Variants in SAV1 observed in about 807,000 individuals in gnomAD.
SAV1 encodes protein salvador homolog 1.
SAV1 carries 23 observed loss-of-function variants against 47.3 expected under a neutral mutation model. That is an observed-to-expected ratio of 0.49 (90% CI 0.35 to 0.69). The LOEUF (loss-of-function observed/expected upper bound fraction) is 0.69. Ranked by LOEUF, SAV1 falls within the 30% of genes least tolerant of loss-of-function variation. The probability of loss-of-function intolerance (pLI) is 0.01; values close to 1 mark genes in which losing one functional copy is unlikely to be tolerated. For missense variants in SAV1, 448 were observed against 457.4 expected (o/e 0.98, Z 0.19); for synonymous variants, 155 against 159.2 (o/e 0.97, Z 0.20).
At chr14:50,642,456 T>A in intron 3 of SAV1, among the ~76,000 whole-genome samples, 1 of 145,630 alleles carries the variant, frequency 6.9e-6, no homozygotes, top group East Asian at 2.0e-4. Flanking sequence ...GCCACTGCAC[T>A]CCAGCCTTGG....
At chr14:50,659,898 C>A (rs2039844186) in intron 2 of SAV1, among the ~76,000 whole-genome samples, 1 of 152,138 alleles carries the variant, frequency 6.6e-6, no homozygotes, top group South Asian at 2.1e-4. Flanking sequence ...ATCACACAGA[C>A]CCCCTTGATA....
At chr14:50,651,658 ACT>A (rs1327810080) in intron 2 of SAV1, among the ~76,000 whole-genome samples, 1 of 152,106 alleles carries the variant, frequency 6.6e-6, no homozygotes, top group Non-Finnish European at 1.5e-5. Context: ...ACAGGGTCTC[ACT>A]CTGTCACCCA....
intron 1 of SAV1, chr14:50,667,542 C>T: frequency 2.0e-6 from 1 of 491,102 alleles, no homozygotes; most frequent in Middle Eastern, 3.0e-4. Flanking sequence ...ACTTTTACTC[C>T]TATAGCATTA....
intron 2 of SAV1, among the ~76,000 whole-genome samples, chr14:50,659,542 G>A (rs1240683114): frequency 6.6e-6 from 1 of 152,152 alleles, no homozygotes; most frequent in Non-Finnish European, 1.5e-5. Flanking sequence ...TAACAAACCT[G>A]TTTCTTTTAA....
At chr14:50,645,047 C>T in intron 2 of SAV1, 33 bp from the exon 3 acceptor site, 2 of 1,577,294 alleles carry the variant, frequency 1.3e-6, no homozygotes, top group Non-Finnish European at 1.7e-6. Flanking sequence ...AGAGAAGAAA[C>T]AGAACAATTA....
intron 3 of SAV1, among the ~76,000 whole-genome samples, chr14:50,643,544 T>C (rs952180961): frequency 8.5e-5 from 13 of 152,138 alleles, no homozygotes; most frequent in Non-Finnish European, 1.5e-4. Flanking sequence ...CCTTGATACA[T>C]GGGGATTACG....
chr14:50,653,672 C>T (rs1228192219), intron 2 of SAV1, among the ~76,000 whole-genome samples: 5 of 151,988 alleles, frequency 3.3e-5, no homozygotes, highest in Non-Finnish European at 7.4e-5. Context: ...AGATCGAGAC[C>T]ATCCTGGCCA....
intron 1 of SAV1, chr14:50,667,264 T>G (rs1047915452): frequency 7.9e-6 from 2 of 254,072 alleles, no homozygotes; most frequent in African/African-American, 4.5e-5. Context: ...TATTTTGAGT[T>G]GCCTTCTTGG....
At chr14:50,667,260 G>C in intron 1 of SAV1, 1 of 249,818 alleles carries the variant, frequency 4.0e-6, no homozygotes, top group Non-Finnish European at 8.3e-6. Context: ...AAATTATTTT[G>C]AGTTGCCTTC....
At chr14:50,652,811 A>G (rs1216042755) in intron 2 of SAV1, among the ~76,000 whole-genome samples, 1 of 152,222 alleles carries the variant, frequency 6.6e-6, no homozygotes, top group Non-Finnish European at 1.5e-5. Flanking sequence ...CGGGTGCATC[A>G]CCTGAGGTCA....
chr14:50,641,036 T>A, intron 3 of SAV1, 143 bp from the exon 4 acceptor site: 1 of 667,136 alleles, frequency 1.5e-6, no homozygotes, highest in Non-Finnish European at 2.3e-6. Flanking sequence ...AATGTATTTT[T>A]AAGATATTTC....
At chr14:50,657,307 TACTC>T (rs1386933620) in intron 2 of SAV1, among the ~76,000 whole-genome samples, 3 of 152,218 alleles carry the variant, frequency 2.0e-5, no homozygotes, top group East Asian at 1.9e-4. Flanking sequence ...TGCTGGGAAA[TACTC>T]ACTCTTACAA....
intron 2 of SAV1, among the ~76,000 whole-genome samples, chr14:50,657,600 C>G (rs1230613278): frequency 6.6e-6 from 1 of 152,108 alleles, no homozygotes; most frequent in Non-Finnish European, 1.5e-5. Context: ...AAAAAGCAAG[C>G]CACCAATTTT....
At chr14:50,641,397 A>C (rs1313531348) in intron 3 of SAV1, among the ~76,000 whole-genome samples, 1 of 152,174 alleles carries the variant, frequency 6.6e-6, no homozygotes, top group South Asian at 2.1e-4. Flanking sequence ...AGATTAAAAA[A>C]AAAAAAGACC....
In SAV1 at chr14:50,634,625, A is replaced by G. The variant is rs998736805; in HGVS notation, c.*558T>C. 14 of 158,680 alleles carry G rather than the reference A, an allele frequency of 8.8e-5. No homozygotes were observed. Among genetic ancestry groups the G allele is most frequent in the Non-Finnish European group, 1.5e-4 (11 of 72,538 alleles). 9.8% of individuals were successfully genotyped at this position (158,680 alleles called of 1,614,324 possible). ...CTCGGCCTCCCAAAATGCTGGGATT[A>G]CAGGAGTGAGCCACCACGCCCAGCT... On this transcript the variant is annotated 3_prime_UTR_variant, in exon 5 of 5. Transcript: ENST00000324679.
At chr14:50,662,687 CTTG>C (rs1202405734) in intron 2 of SAV1, 10 of 152,258 alleles carry the variant, frequency 6.6e-5, no homozygotes, top group Middle Eastern at 3.4e-3. Flanking sequence ...AAGAGTTTAA[CTTG>C]TTATTAATTC....
intron 2 of SAV1, among the ~76,000 whole-genome samples, chr14:50,654,005 T>C (rs759899149): frequency 1.3e-5 from 2 of 152,234 alleles, no homozygotes; most frequent in Non-Finnish European, 2.9e-5. Flanking sequence ...TCTGAGCCTT[T>C]AGTGAGTTCA....
intron 2 of SAV1, among the ~76,000 whole-genome samples, chr14:50,654,488 G>A (rs1237540504): frequency 1.3e-5 from 2 of 152,178 alleles, no homozygotes; most frequent in Non-Finnish European, 2.9e-5. Flanking sequence ...AATTCCTTGT[G>A]ATGTCCCAAA....
intron 2 of SAV1, among the ~76,000 whole-genome samples, chr14:50,650,313 A>G (rs570233990): frequency 2.0e-5 from 3 of 152,260 alleles, no homozygotes; most frequent in Non-Finnish European, 4.4e-5. Context: ...CGCACAGAAC[A>G]GAGTACTATA....
Sources: gnomAD v4.1 joint callset for allele counts (sites outside exome capture counted in the v4.1 genomes callset) on GRCh38, gnomAD v4.1.1 for gene constraint, MANE v1.5 for transcripts, NCBI Gene and HGNC (gene_info 2026-07-23, HGNC 2026-07-21) for gene names.